The following PLOD2 variants were observed in gnomAD, a reference collection of about 807,000 sequenced individuals.
PLOD2 encodes the protein procollagen-lysine,2-oxoglutarate 5-dioxygenase 2, also known as lysine hydroxylase 2.
PLOD2 carries 65 observed loss-of-function variants against 101.0 expected under a neutral mutation model. The observed-to-expected ratio is 0.64, with a 90% confidence interval of 0.53 to 0.79. The LOEUF is 0.79. PLOD2 is among the 30% of genes least tolerant of loss of function. The pLI is 0.00. For synonymous variants in PLOD2, 314 were observed against 302.9 expected (o/e 1.04, Z -0.38); for missense variants, 909 against 914.6 (o/e 0.99, Z 0.08).
At chr3:146,133,399 T>TTTTTTTCC (rs2031040818) in intron 1 of PLOD2, among the ~76,000 whole-genome samples, 1 of 152,150 alleles carries the variant, frequency 6.6e-6, no homozygotes, top group Non-Finnish European at 1.5e-5. Context: ...ATGAACCATA[T>TTTTTTTCC]AATTTTTCCA....
intron 1 of PLOD2, among the ~76,000 whole-genome samples, chr3:146,144,879 T>C (rs2108130513): frequency 1.3e-5 from 2 of 152,246 alleles, no homozygotes; most frequent in African/African-American, 4.8e-5. Context: ...TCACAGTGTT[T>C]TACATTGTTT....
In PLOD2 at chr3:146,086,901, T is replaced by A; in HGVS notation, c.1013A>T (p.Tyr338Phe). The A allele has an allele frequency of 1.3e-6, 2 of 1,497,954 alleles. No homozygotes were observed. The highest frequency in any genetic ancestry group is 1.8e-6 in the Non-Finnish European group (2 of 1,087,656). 92.8% of individuals were successfully genotyped at this position (1,497,954 alleles called of 1,614,324 possible). The change falls in exon 10 of 20, where the codon TAT (tyrosine) becomes TTT (phenylalanine). Residue 338 changes from tyrosine (Y) to phenylalanine (F), a missense_variant. By Grantham distance (22) the Tyr-to-Phe change is conservative. Coordinates refer to ENST00000282903, the MANE Select transcript of PLOD2 (RefSeq NM_182943.3). Reference sequence around the variant, plus strand: ...AAATACCTTGATGTCCTTTTCATGATAAACTTCCTGTAACATATTTTAAAA... The same window carrying A: ...AAATACCTTGATGTCCTTTTCATGAAAAACTTCCTGTAACATATTTTAAAA... ...LKLFIHNKEV[Y>F]HEKDIKVFFD...
At chr3:146,102,522 G>A (rs922591711) in intron 7 of PLOD2, among the ~76,000 whole-genome samples, 1 of 152,102 alleles carries the variant, frequency 6.6e-6, no homozygotes, top group African/African-American at 2.4e-5. Flanking sequence ...TTAATAAAAC[G>A]CCAAATGTGC....
At chr3:146,097,400 G>A (rs1471167330) in intron 7 of PLOD2, among the ~76,000 whole-genome samples, 34 of 126,370 alleles carry the variant, frequency 2.7e-4, no homozygotes, top group Non-Finnish European at 4.3e-4. Flanking sequence ...GATGGTTGCC[G>A]GGTCTGTGTG....
chr3:146,123,228 T>A (rs1034750334), intron 2 of PLOD2: 15 of 802,080 alleles, frequency 1.9e-5, no homozygotes, highest in Non-Finnish European at 2.4e-5. Flanking sequence ...CTTTCTTCTT[T>A]TTTAAAAAAA....
intron 6 of PLOD2, 152 bp downstream of exon 6, chr3:146,104,127 C>G (rs1576596803): frequency 1.5e-6 from 1 of 659,380 alleles, no homozygotes; most frequent in Non-Finnish European, 2.8e-6. Flanking sequence ...ATGTTAAGTT[C>G]AAGTCTAGTA....
intron 1 of PLOD2, among the ~76,000 whole-genome samples, chr3:146,149,402 A>G (rs942882419): frequency 3.3e-5 from 5 of 152,108 alleles, no homozygotes; most frequent in African/African-American, 1.2e-4. Context: ...GTTTGTGTCT[A>G]TGGTTCAAAA....
intron 13 of PLOD2, among the ~76,000 whole-genome samples, chr3:146,078,278 A>G (rs903153127): frequency 1.3e-5 from 2 of 151,844 alleles, no homozygotes; most frequent in Admixed American, 6.6e-5. Flanking sequence ...ACAAAATACT[A>G]TCACAAGTAC....
intron 1 of PLOD2, among the ~76,000 whole-genome samples, chr3:146,154,642 T>C (rs1350120710): frequency 3.9e-5 from 6 of 152,212 alleles, no homozygotes; most frequent in African/African-American, 1.4e-4. Context: ...ATGAAGCATA[T>C]TTCCACACTA....
intron 7 of PLOD2, among the ~76,000 whole-genome samples, chr3:146,099,476 A>G (rs189202082): frequency 3.3e-5 from 5 of 152,288 alleles, no homozygotes; most frequent in African/African-American, 1.2e-4. Context: ...GGCTGACTGC[A>G]ACCTCTGCCT....
intron 5 of PLOD2, chr3:146,105,058 G>C (rs1326641167): frequency 6.6e-6 from 1 of 152,184 alleles, no homozygotes; most frequent in Non-Finnish European, 1.5e-5. Context: ...ATTAAAACTG[G>C]GAGCTATGGA....
intron 1 of PLOD2, among the ~76,000 whole-genome samples, chr3:146,147,702 A>G (rs1308170075): frequency 6.6e-6 from 1 of 152,254 alleles, no homozygotes; most frequent in Non-Finnish European, 1.5e-5. Flanking sequence ...GCTGAAAGTC[A>G]TAGCATGCGA....
chr3:146,141,383 G>C (rs564865019), intron 1 of PLOD2, among the ~76,000 whole-genome samples: 2 of 152,116 alleles, frequency 1.3e-5, no homozygotes, highest in South Asian at 4.1e-4. Context: ...CGTTTTTATT[G>C]AAAGAAAAGT....
chr3:146,078,109 C>G (rs949096037), intron 13 of PLOD2, among the ~76,000 whole-genome samples, 185 bp from the exon 14 acceptor site: 1 of 151,902 alleles, frequency 6.6e-6, no homozygotes, highest in African/African-American at 2.4e-5. Context: ...CTCTTTCAGC[C>G]CTTCTTTTCT....
At chr3:146,120,194 T>C (rs1340785444) in intron 3 of PLOD2, among the ~76,000 whole-genome samples, 2 of 152,210 alleles carry the variant, frequency 1.3e-5, no homozygotes, top group African/African-American at 4.8e-5. Flanking sequence ...TGATGGCCAG[T>C]GATGATGAGC....
intron 12 of PLOD2, 22 bp from the exon 13 acceptor site, chr3:146,079,279 T>G (rs1253801964): frequency 3.8e-6 from 6 of 1,569,288 alleles, no homozygotes; most frequent in Non-Finnish European, 5.3e-6. Flanking sequence ...GAGAAGACAT[T>G]CTTATATACC....
chr3:146,129,215 A>G (rs1404274922), intron 1 of PLOD2, among the ~76,000 whole-genome samples: 1 of 152,134 alleles, frequency 6.6e-6, no homozygotes, highest in African/African-American at 2.4e-5. Context: ...AGAGATGTTG[A>G]GAAACTTCTT....
intron 1 of PLOD2, among the ~76,000 whole-genome samples, chr3:146,136,705 A>G (rs1234143516): frequency 1.3e-5 from 2 of 152,184 alleles, no homozygotes; most frequent in African/African-American, 4.8e-5. Context: ...GTTTAGATAT[A>G]TTTAGATACA....
chr3:146,155,426 T>G (rs958584830), intron 1 of PLOD2, among the ~76,000 whole-genome samples: 83 of 152,070 alleles, frequency 5.5e-4, no homozygotes, highest in African/African-American at 1.9e-3. Flanking sequence ...AAAATTAGTT[T>G]CATTGGCCAG....
Sources: allele counts gnomAD v4.1 joint callset (sites outside exome capture counted in the v4.1 genomes callset), GRCh38; gene constraint gnomAD v4.1.1; transcripts MANE v1.5; gene names NCBI Gene and HGNC (gene_info 2026-07-23, HGNC 2026-07-21).